CIRSR: variants seen among roughly 807,000 people sequenced by gnomAD.
CIRSR encodes CBF1 (RBPJ) interacting corepressor 1.
chr2:174,374,461 T>C, the CIRSR span, among the ~76,000 whole-genome samples: 1 of 152,256 alleles, frequency 6.6e-6, no homozygotes, highest in African/African-American at 2.4e-5. Context: ...TCTATGAGCT[T>C]GGGTTCAAAA....
At chr2:174,383,919 T>C in the CIRSR span, among the ~76,000 whole-genome samples, 2 of 151,194 alleles carry the variant, frequency 1.3e-5, no homozygotes, top group South Asian at 2.1e-4. Flanking sequence ...CCAAGTCCAT[T>C]ACTAGTAGGA....
chr2:174,382,323 T>C, the CIRSR span, among the ~76,000 whole-genome samples: 13 of 152,090 alleles, frequency 8.5e-5, no homozygotes, highest in Non-Finnish European at 2.9e-5. Flanking sequence ...TAAAATTCTT[T>C]CGTGAGGCCA....
At chr2:174,367,013 C>G in the CIRSR span, among the ~76,000 whole-genome samples, 1 of 151,862 alleles carries the variant, frequency 6.6e-6, no homozygotes, top group African/African-American at 2.4e-5. Context: ...TCAATTAACA[C>G]CAGAGAAAAC....
At chr2:174,388,995 G>A in the CIRSR span, among the ~76,000 whole-genome samples, 5 of 152,134 alleles carry the variant, frequency 3.3e-5, no homozygotes, top group Non-Finnish European at 4.4e-5. Flanking sequence ...TTCCCCTTCT[G>A]CCATGATTGT....
At chr2:174,366,869 C>T in the CIRSR span, among the ~76,000 whole-genome samples, 7 of 152,114 alleles carry the variant, frequency 4.6e-5, no homozygotes, top group South Asian at 1.5e-3. Flanking sequence ...CGAAAGTGGA[C>T]TTAGATTAGT....
chr2:174,384,423 G>C, the CIRSR span, among the ~76,000 whole-genome samples: 2 of 152,130 alleles, frequency 1.3e-5, no homozygotes, highest in Non-Finnish European at 2.9e-5. Context: ...GTTTCTGTTT[G>C]AGATAACGAA....
chr2:174,349,609 C>T, the CIRSR span, among the ~76,000 whole-genome samples: 7 of 147,054 alleles, frequency 4.8e-5, no homozygotes, highest in East Asian at 3.9e-4. Flanking sequence ...CATATATGAA[C>T]GCATTGTTTA....
chr2:174,389,726 A>G, the CIRSR span, among the ~76,000 whole-genome samples: 1 of 152,122 alleles, frequency 6.6e-6, no homozygotes, highest in African/African-American at 2.4e-5. Context: ...GGCCTAGGAG[A>G]AGGAAAAAAG....
chr2:174,359,470 A>C, the CIRSR span, among the ~76,000 whole-genome samples: 1 of 152,160 alleles, frequency 6.6e-6, no homozygotes, highest in Non-Finnish European at 1.5e-5. Context: ...ATTCAAACTT[A>C]CATATCCCAA....
the CIRSR span, among the ~76,000 whole-genome samples, chr2:174,377,760 G>A: frequency 6.8e-6 from 1 of 146,562 alleles, no homozygotes; most frequent in African/African-American, 2.5e-5. Flanking sequence ...GGAAATTGGA[G>A]GTTGCAGTGA....
chr2:174,360,986 G>T, the CIRSR span, among the ~76,000 whole-genome samples: 7,831 of 152,092 alleles, frequency 0.051, 637 homozygotes, highest in African/African-American at 0.17. Context: ...CAACTAACTA[G>T]CTTCCTCTTG....
the CIRSR span, among the ~76,000 whole-genome samples, chr2:174,355,263 A>C: frequency 6.6e-6 from 1 of 152,198 alleles, no homozygotes; most frequent in Non-Finnish European, 1.5e-5. Context: ...TAAAATAACT[A>C]CTTTTATGTA....
chr2:174,375,380 G>A, the CIRSR span, among the ~76,000 whole-genome samples: 2 of 152,244 alleles, frequency 1.3e-5, no homozygotes, highest in East Asian at 3.9e-4. Context: ...GGCTGAGGTG[G>A]GATGATCATT....
the CIRSR span, among the ~76,000 whole-genome samples, chr2:174,364,318 T>TGCAA: frequency 1.3e-5 from 2 of 152,234 alleles, no homozygotes; most frequent in Non-Finnish European, 1.5e-5. Context: ...CCTGTGGCTT[T>TGCAA]GCAAGGTATA....
chr2:174,392,945 GAT>G, the CIRSR span, among the ~76,000 whole-genome samples: 1 of 152,202 alleles, frequency 6.6e-6, no homozygotes, highest in Non-Finnish European at 1.5e-5. Flanking sequence ...AGGCTAGTTG[GAT>G]GTGATTGCTT....
At chr2:174,370,039 A>G in the CIRSR span, 2 of 1,363,188 alleles carry the variant, frequency 1.5e-6, no homozygotes, top group Non-Finnish European at 2.0e-6. Context: ...AAAGTGAAGC[A>G]TGATCAAATA....
At chr2:174,393,499 A>T in the CIRSR span, among the ~76,000 whole-genome samples, 1 of 152,136 alleles carries the variant, frequency 6.6e-6, no homozygotes, top group Non-Finnish European at 1.5e-5. Context: ...CTAATTTTAC[A>T]ATTAGAATTT....
chr2:174,395,551 T>A, the CIRSR span: 1 of 1,614,028 alleles, frequency 6.2e-7, no homozygotes, highest in Non-Finnish European at 8.5e-7. Flanking sequence ...GTTTACTCAC[T>A]TTTTTGATAT....
chr2:174,369,870 G>A, the CIRSR span: 182 of 1,164,736 alleles, frequency 1.6e-4, no homozygotes, highest in African/African-American at 2.7e-3. Context: ...TCACCATAAT[G>A]ATATAATAAT....
Sources: allele counts gnomAD v4.1 joint callset (sites outside exome capture counted in the v4.1 genomes callset), GRCh38; gene constraint gnomAD v4.1.1; transcripts MANE v1.5; gene names NCBI Gene and HGNC (gene_info 2026-07-23, HGNC 2026-07-21).